Variants in TRERF1 observed in about 807,000 individuals in gnomAD.
The protein encoded by TRERF1 is transcriptional-regulating factor 1.
A neutral mutation model predicts 122.9 loss-of-function variants in TRERF1; 27 were observed. The observed-to-expected ratio is 0.22, with a 90% CI of 0.16 to 0.30. TRERF1 has a LOEUF of 0.30. Ranked by LOEUF, TRERF1 falls within the 10% of genes least tolerant of loss-of-function variation. The pLI is 1.00. For missense variants in TRERF1, 1,248 were observed against 1,560.3 expected (o/e 0.80, Z 3.37); for synonymous variants, 636 against 641.7 (o/e 0.99, Z 0.13).
intron 2 of TRERF1, among the ~76,000 whole-genome samples, chr6:42,446,341 T>G (rs1787512229): frequency 6.6e-6 from 1 of 152,228 alleles, no homozygotes; most frequent in Non-Finnish European, 1.5e-5. Flanking sequence ...CCTGTGCCTC[T>G]TTGAGTTCTC....
intron 13 of TRERF1, among the ~76,000 whole-genome samples, chr6:42,253,008 CAG>C (rs1003262814): frequency 6.6e-6 from 1 of 152,138 alleles, no homozygotes; most frequent in Admixed American, 6.6e-5. Flanking sequence ...GGGAAGGGGA[CAG>C]GGGACAGGCA....
chr6:42,432,131 T>G (rs1284833575), intron 2 of TRERF1, among the ~76,000 whole-genome samples: 1 of 152,220 alleles, frequency 6.6e-6, no homozygotes, highest in Non-Finnish European at 1.5e-5. Context: ...AGAGGACCAG[T>G]AATAATACCT....
intron 2 of TRERF1, among the ~76,000 whole-genome samples, chr6:42,417,721 T>A (rs562913363): frequency 2.6e-5 from 4 of 151,086 alleles, no homozygotes; most frequent in Admixed American, 2.6e-4. Flanking sequence ...CAGCAAGAGG[T>A]TTGGACATGA....
chr6:42,446,024 C>G (rs1787443703), intron 2 of TRERF1, among the ~76,000 whole-genome samples: 1 of 152,258 alleles, frequency 6.6e-6, no homozygotes, highest in South Asian at 2.1e-4. Context: ...AAGTGATTCT[C>G]CTGCCTCAGC....
chr6:42,390,078 T>C (rs1192106593), intron 2 of TRERF1, among the ~76,000 whole-genome samples: 2 of 152,126 alleles, frequency 1.3e-5, no homozygotes, highest in Admixed American at 6.5e-5. Context: ...CTTCAAGTCA[T>C]CAGGTGGAAA....
At position 42,275,125 on chromosome 6, in the gene TRERF1, T is replaced by C; in HGVS notation, c.-258-5277A>G. Among the ~76,000 whole-genome samples the C allele has an allele frequency of 6.6e-6, 1 of 152,278 alleles. No homozygotes were observed. ...TTAGCATCTTGCCAAAAGGCTATTT[T>C]AAACATATCATTTAAAACCTGAAAA... On this transcript the variant is annotated intron_variant, in intron 4 of 17. Coordinates refer to ENST00000372922, the Ensembl canonical transcript of TRERF1. The surrounding 1 kb of genome is among the most constrained non-coding windows in gnomAD (Gnocchi z 4.1).
chr6:42,237,426 A>G (rs1032526037), intron 15 of TRERF1, among the ~76,000 whole-genome samples: 22 of 152,204 alleles, frequency 1.4e-4, no homozygotes, highest in African/African-American at 5.1e-4. Flanking sequence ...AGGGCTGAGG[A>G]CCAATCAGCC....
intron 3 of TRERF1, among the ~76,000 whole-genome samples, chr6:42,361,434 G>T (rs1489803804): frequency 6.7e-6 from 1 of 149,924 alleles, no homozygotes; most frequent in Non-Finnish European, 1.5e-5. Context: ...GGGTTTTTTT[G>T]TTTGTTTGTT....
intron 3 of TRERF1, among the ~76,000 whole-genome samples, chr6:42,331,023 G>C (rs1210094422): frequency 6.6e-6 from 1 of 152,092 alleles, no homozygotes. Flanking sequence ...AACAATCTAA[G>C]TGTGCAAAAC....
intron 2 of TRERF1, among the ~76,000 whole-genome samples, chr6:42,367,394 G>A (rs1165547470): frequency 6.6e-6 from 1 of 152,104 alleles, no homozygotes. Context: ...TGAATGCCCG[G>A]GTTTCAAAAC....
intron 3 of TRERF1, among the ~76,000 whole-genome samples, chr6:42,356,574 A>T (rs942814006): frequency 2.0e-5 from 3 of 151,498 alleles, no homozygotes; most frequent in South Asian, 4.1e-4. Flanking sequence ...AATAATTTTT[A>T]TTTATTTATT....
chr6:42,391,511 TC>T (rs1389463378), intron 2 of TRERF1, among the ~76,000 whole-genome samples: 2 of 152,138 alleles, frequency 1.3e-5, no homozygotes. Context: ...AAAGCTGGGC[TC>T]CAGCCTCTGG....
intron 15 of TRERF1, among the ~76,000 whole-genome samples, chr6:42,237,962 A>G (rs1339453211): frequency 6.6e-6 from 1 of 152,242 alleles, no homozygotes; most frequent in African/African-American, 2.4e-5. Context: ...AGTAATGATC[A>G]CATTTGTTAG....
At chr6:42,312,433 G>A (rs537454887) in intron 3 of TRERF1, among the ~76,000 whole-genome samples, 13 of 152,338 alleles carry the variant, frequency 8.5e-5, no homozygotes, top group East Asian at 3.9e-4. Context: ...ACTGGATCAC[G>A]GAGTCAGTAG....
intron 2 of TRERF1, among the ~76,000 whole-genome samples, chr6:42,438,378 G>A (rs538687909): frequency 1.7e-4 from 26 of 151,570 alleles, no homozygotes; most frequent in African/African-American, 6.3e-4. Context: ...GGGAGGCCAA[G>A]GCAGGTGGAC....
intron 2 of TRERF1, among the ~76,000 whole-genome samples, chr6:42,406,416 G>C (rs1047682800): frequency 3.3e-5 from 5 of 152,194 alleles, no homozygotes; most frequent in Non-Finnish European, 7.3e-5. Context: ...CATTGGTACA[G>C]AGGAAGGACC....
chr6:42,348,734 G>A (rs571843534), intron 3 of TRERF1, among the ~76,000 whole-genome samples: 1 of 152,268 alleles, frequency 6.6e-6, no homozygotes, highest in South Asian at 2.1e-4. Context: ...TGAGCAGAAA[G>A]GCCACCTTTG....
intron 2 of TRERF1, among the ~76,000 whole-genome samples, chr6:42,417,412 G>A (rs1160887984): frequency 2.0e-5 from 3 of 152,084 alleles, no homozygotes; most frequent in Non-Finnish European, 2.9e-5. Flanking sequence ...CCAGGCACCC[G>A]GCAGAGGCTG....
intron 2 of TRERF1, among the ~76,000 whole-genome samples, chr6:42,410,540 C>T (rs1780959442): frequency 6.6e-6 from 1 of 152,160 alleles, no homozygotes; most frequent in East Asian, 1.9e-4. Context: ...CCTCCAAAAC[C>T]CAAATCAAAC....
Sources: gnomAD v4.1 joint callset for allele counts (sites outside exome capture counted in the v4.1 genomes callset) on GRCh38, gnomAD v4.1.1 for gene constraint, Gnocchi (gnomAD v3.1) non-coding constraint, MANE v1.5 for transcripts, NCBI Gene and HGNC (gene_info 2026-07-23, HGNC 2026-07-21) for gene names.